TSHZ3: variants seen among roughly 807,000 people sequenced by gnomAD.
TSHZ3 encodes teashirt homolog 3.
In TSHZ3, 10 loss-of-function variants were observed where a neutral mutation model predicts 64.5. The ratio of observed to expected loss-of-function variants is 0.16; its 90% CI spans 0.10 to 0.26. TSHZ3 has a LOEUF of 0.26. Ranked by LOEUF, TSHZ3 falls within the 10% of genes least tolerant of loss-of-function variation. The pLI, the probability that TSHZ3 is intolerant of heterozygous loss-of-function variation, is 1.00. For missense variants in TSHZ3, 1,242 were observed against 1,421.7 expected, an observed-to-expected ratio of 0.87 and a Z score of 2.03; for synonymous variants, 608 against 593.1, an observed-to-expected ratio of 1.03 and a Z score of -0.36.
intron 1 of TSHZ3, among the ~76,000 whole-genome samples, chr19:31,258,086 G>A (rs146972230): frequency 9.5e-4 from 144 of 152,256 alleles, no homozygotes; most frequent in South Asian, 2.1e-4. Context: ...GAAGACTCCC[G>A]GAAACAAGCA....
At chr19:31,216,312 G>A (rs1975328476) in intron 4 of TSHZ3, among the ~76,000 whole-genome samples, 1 of 152,142 alleles carries the variant, frequency 6.6e-6, no homozygotes, top group Admixed American at 6.5e-5. Flanking sequence ...CTATCAGCAA[G>A]GCTCCTGGCC....
chr19:31,318,678 C>T (rs1253212492), intron 1 of TSHZ3, among the ~76,000 whole-genome samples: 1 of 152,034 alleles, frequency 6.6e-6, no homozygotes, highest in Non-Finnish European at 1.5e-5. Flanking sequence ...TAAAATGTCT[C>T]CTATTATTTT....
chr19:31,160,837 A>G (rs367721834), intron 5 of TSHZ3, among the ~76,000 whole-genome samples: 4 of 152,074 alleles, frequency 2.6e-5, no homozygotes, highest in Non-Finnish European at 5.9e-5. Flanking sequence ...AAATATCTCT[A>G]TACTTATCTC....
At chr19:31,199,847 CAAAG>C (rs1476140185) in intron 5 of TSHZ3, among the ~76,000 whole-genome samples, 1 of 119,336 alleles carries the variant, frequency 8.4e-6, no homozygotes, top group African/African-American at 3.3e-5. Context: ...CCAAAATAAA[CAAAG>C]AACTCTTAAA....
chr19:31,197,215 C>T (rs2069187577), intron 5 of TSHZ3, among the ~76,000 whole-genome samples: 1 of 151,434 alleles, frequency 6.6e-6, no homozygotes, highest in Non-Finnish European at 1.5e-5. Context: ...AACACATGGT[C>T]AAAAAATAAA....
chr19:31,285,978 T>C (rs993976854), intron 1 of TSHZ3, among the ~76,000 whole-genome samples: 3 of 152,000 alleles, frequency 2.0e-5, no homozygotes, highest in Non-Finnish European at 4.4e-5. Context: ...GCTGCAAAGA[T>C]GCAAAGAAGC....
At chr19:31,256,285 C>T (rs1487208319) in intron 1 of TSHZ3, among the ~76,000 whole-genome samples, 1 of 152,130 alleles carries the variant, frequency 6.6e-6, no homozygotes, top group South Asian at 2.1e-4. Flanking sequence ...AATCCCTTTA[C>T]ATCTCATTAG....
intron 5 of TSHZ3, among the ~76,000 whole-genome samples, chr19:31,160,441 C>T (rs181603053): frequency 1.1e-4 from 17 of 152,296 alleles, no homozygotes; most frequent in Admixed American, 6.5e-4. Context: ...TATCTAACTC[C>T]CAGCCATAAA....
intron 1 of TSHZ3, among the ~76,000 whole-genome samples, chr19:31,313,108 A>C (rs1357479593): frequency 6.6e-6 from 1 of 152,050 alleles, no homozygotes; most frequent in East Asian, 1.9e-4. Flanking sequence ...AGGATGCCAA[A>C]CCTGCTTGGG....
At chr19:31,272,409 T>C (rs1298109407), downstream of TSHZ3, among the ~76,000 whole-genome samples, 1 of 152,178 alleles carries the variant, frequency 6.6e-6, no homozygotes, top group East Asian at 1.9e-4. Context: ...AACCTCTGTC[T>C]GAGCGCAGGG....
intron 5 of TSHZ3, among the ~76,000 whole-genome samples, chr19:31,180,656 G>C (rs1046983126): frequency 6.6e-6 from 1 of 152,134 alleles, no homozygotes; most frequent in African/African-American, 2.4e-5. Context: ...GTTAATTTTG[G>C]TCCCAAAAAA....
chr19:31,226,702 CTG>C (rs2145172182), intron 4 of TSHZ3, among the ~76,000 whole-genome samples: 1 of 152,210 alleles, frequency 6.6e-6, no homozygotes, highest in South Asian at 2.1e-4. Flanking sequence ...CTTGAACACC[CTG>C]TGTTCAAGAC....
Position 31,202,170 on chromosome 19 carries a change from T to TA in TSHZ3, n.809+2785dup, listed in dbSNP as rs566492729. Among the ~76,000 whole-genome samples, 487 of 145,026 alleles carry TA rather than the reference T, an allele frequency of 3.4e-3. 1 individual carries two copies. Among genetic ancestry groups the TA allele is most frequent in the Middle Eastern group, 0.018 (5 of 280 alleles). On this transcript the variant is annotated intron_variant and non_coding_transcript_variant, in intron 5 of 6. Coordinates refer to the TSHZ3 transcript ENST00000651361. ...AACAGAGCGAGACTCTGTCTAAAAA[T>TA]AAAAAAAAAAGTCATGATCTTTGAG... is the stretch of plus-strand genomic sequence containing the variant.
rs373985943 is a variant in TSHZ3 at position 31,185,104 on chromosome 19, C to A, written n.809+19852G>T. On this transcript the variant is annotated intron_variant and non_coding_transcript_variant, in intron 5 of 6. Transcript: ENST00000651361. Reference sequence around the variant, plus strand: ...AAAAAAACAAACAAGGAAACAACAACAAAAAAAAAAACACAAGGGGAATAG... The same window carrying A: ...AAAAAAACAAACAAGGAAACAACAAAAAAAAAAAAAACACAAGGGGAATAG... Among the ~76,000 whole-genome samples, 25 of 146,916 alleles carry A rather than the reference C, an allele frequency of 1.7e-4. No homozygotes were observed. The East Asian group carries it at 3.9e-3, about 23-fold the overall frequency.
Position 31,255,987 on chromosome 19 carries a change from G to A in TSHZ3, n.64-13112C>T, listed in dbSNP as rs148801140. ...AGGGGACGGTCCAGTCACTGGAAGC[G>A]GAGGGGTGTGGGGTGCAGGGGATGC... On this transcript the variant is annotated intron_variant and non_coding_transcript_variant, in intron 1 of 6. Transcript: ENST00000651361. Among the ~76,000 whole-genome samples the A allele has an allele frequency of 3.4e-3, 515 of 152,226 alleles. 3 individuals carry two copies. The highest frequency in any genetic ancestry group is 0.012 in the African/African-American group (484 of 41,536).
chr19:31,315,991 T>C (rs1381858431), intron 1 of TSHZ3, among the ~76,000 whole-genome samples: 1 of 152,134 alleles, frequency 6.6e-6, no homozygotes, highest in Non-Finnish European at 1.5e-5. Flanking sequence ...TCAGCACTAA[T>C]CAAGTAGCAA....
intron 4 of TSHZ3, among the ~76,000 whole-genome samples, chr19:31,206,634 C>T (rs1187613911): frequency 6.6e-6 from 1 of 151,972 alleles, no homozygotes; most frequent in African/African-American, 2.4e-5. Context: ...AAGAAAATTT[C>T]AAGTTATTCT....
At chr19:31,181,517 C>T (rs916649108) in intron 5 of TSHZ3, among the ~76,000 whole-genome samples, 1 of 152,090 alleles carries the variant, frequency 6.6e-6, no homozygotes, top group Non-Finnish European at 1.5e-5. Context: ...AGAGAACCAC[C>T]GTAGTGGCTT....
chr19:31,174,259 C>T (rs1357713435), intron 5 of TSHZ3, among the ~76,000 whole-genome samples: 2 of 152,056 alleles, frequency 1.3e-5, no homozygotes, highest in African/African-American at 4.8e-5. Context: ...AGGCTCGAGA[C>T]CCAAGAAGAG....
Sources: allele counts gnomAD v4.1 joint callset (sites outside exome capture counted in the v4.1 genomes callset), GRCh38; gene constraint gnomAD v4.1.1; transcripts MANE v1.5; gene names NCBI Gene and HGNC (gene_info 2026-07-23, HGNC 2026-07-21).